Variants in GNAQ observed in about 807,000 individuals in gnomAD.
GNAQ encodes guanine nucleotide-binding protein G(q) subunit alpha.
In GNAQ, 8 loss-of-function variants were observed where a neutral mutation model predicts 43.9. The observed-to-expected ratio is 0.18, with a 90% CI of 0.11 to 0.33. The LOEUF is 0.33. Ranked by LOEUF, GNAQ falls within the 10% of genes least tolerant of loss-of-function variation. The pLI, the probability that GNAQ is intolerant of heterozygous loss-of-function variation, is 1.00. For missense variants in GNAQ, 158 were observed against 450.8 expected (o/e 0.35, Z 5.88); for synonymous variants, 155 against 170.7 (o/e 0.91, Z 0.71).
chr9:77,858,609 G>A (rs147238870), intron 2 of GNAQ, among the ~76,000 whole-genome samples: 141 of 151,872 alleles, frequency 9.3e-4, no homozygotes, highest in Middle Eastern at 6.8e-3. Flanking sequence ...AGTGTCTGAC[G>A]CCATCAGTCA....
At chr9:77,837,216 T>C (rs1426666043) in intron 2 of GNAQ, among the ~76,000 whole-genome samples, 6 of 152,292 alleles carry the variant, frequency 3.9e-5, no homozygotes, top group African/African-American at 7.2e-5. Context: ...AGCCTAATAT[T>C]GATGACAGCT....
intron 1 of GNAQ, among the ~76,000 whole-genome samples, chr9:77,956,133 TCTA>T (rs541792904): frequency 1.2e-3 from 176 of 152,346 alleles, no homozygotes; most frequent in African/African-American, 4.0e-3. Flanking sequence ...CAGGACTTAT[TCTA>T]AAGTGTTTTA....
At chr9:77,758,323 AAAC>A (rs1234294413) in intron 5 of GNAQ, among the ~76,000 whole-genome samples, 1 of 152,258 alleles carries the variant, frequency 6.6e-6, no homozygotes, top group African/African-American at 2.4e-5. Flanking sequence ...ATAAGGGTTG[AAAC>A]AACAACTAAA....
chr9:77,975,397 G>C (rs562164474), intron 1 of GNAQ, among the ~76,000 whole-genome samples: 1 of 152,256 alleles, frequency 6.6e-6, no homozygotes, highest in South Asian at 2.1e-4. Context: ...GGTCCTTTGA[G>C]AGTGGTTGCT....
chr9:77,854,834 G>A (rs1827726629), intron 2 of GNAQ, among the ~76,000 whole-genome samples: 1 of 152,170 alleles, frequency 6.6e-6, no homozygotes, highest in Admixed American at 6.5e-5. Flanking sequence ...TTTCTATGAA[G>A]AGAGGATAAT....
chr9:77,921,192 TG>T (rs1828991324), intron 2 of GNAQ, among the ~76,000 whole-genome samples: 1 of 152,192 alleles, frequency 6.6e-6, no homozygotes, highest in Non-Finnish European at 1.5e-5. Flanking sequence ...ACTGCATCCA[TG>T]GGGGATGTAT....
chr9:77,937,257 T>C (rs1829244743), intron 1 of GNAQ, among the ~76,000 whole-genome samples: 1 of 151,640 alleles, frequency 6.6e-6, no homozygotes, highest in Admixed American at 6.6e-5. Context: ...CTGGCCAACA[T>C]AGTGAAATCC....
rs184290907 is a variant in GNAQ at position 77,939,993 on chromosome 9, A to C, written c.137-17648T>G. Among the ~76,000 whole-genome samples the C allele has an allele frequency of 3.6e-4, 55 of 152,328 alleles. No individual in the cohort carries two copies. In the East Asian group the frequency reaches 0.01, roughly 28 times the overall value. ...ATCATATAATTTATCATCCTAAAAC[A>C]ATAATTTCTAAGAGTAAAAGGGGTA... is the stretch of plus-strand genomic sequence containing the variant. On this transcript the variant is annotated intron_variant, in intron 1 of 6. Transcript: ENST00000286548.
intron 1 of GNAQ, among the ~76,000 whole-genome samples, chr9:78,027,608 G>A (rs1442587982): frequency 5.9e-5 from 9 of 151,960 alleles, no homozygotes; most frequent in Admixed American, 3.3e-4. Context: ...AAAAATAGCC[G>A]GGCGTGGTGG....
chr9:77,863,843 C>G (rs141490185), intron 2 of GNAQ, among the ~76,000 whole-genome samples: 99 of 152,234 alleles, frequency 6.5e-4, no homozygotes, highest in Admixed American at 1.9e-3. Flanking sequence ...ATCATCAGAT[C>G]TCATGAGACT....
chr9:77,816,933 C>T (rs150123573), intron 2 of GNAQ, among the ~76,000 whole-genome samples: 1 of 152,252 alleles, frequency 6.6e-6, no homozygotes, highest in East Asian at 1.9e-4. Flanking sequence ...TTAGGAAGCT[C>T]AACACACTAA....
chr9:78,012,637 T>C (rs1023180817), intron 1 of GNAQ, among the ~76,000 whole-genome samples: 1 of 152,130 alleles, frequency 6.6e-6, no homozygotes, highest in Non-Finnish European at 1.5e-5. Context: ...TATAATTAAA[T>C]TGAGAGAAGA....
chr9:78,010,408 G>A (rs940760507), intron 1 of GNAQ, among the ~76,000 whole-genome samples: 4 of 152,144 alleles, frequency 2.6e-5, no homozygotes, highest in African/African-American at 9.7e-5. Flanking sequence ...GACTGAAGAT[G>A]GAATTAATTG....
chr9:77,944,514 G>A (rs1829360152), intron 1 of GNAQ, among the ~76,000 whole-genome samples: 1 of 152,056 alleles, frequency 6.6e-6, no homozygotes, highest in African/African-American at 2.4e-5. Flanking sequence ...TTACCATTCA[G>A]CAACCTCTGA....
chr9:77,717,488 T>C lies in GNAQ; in HGVS notation c.*3835A>G, dbSNP rs1473744245. 8.6e-6 allele frequency: 2 copies of C among 232,426 alleles called. No individual in the cohort carries two copies. Among genetic ancestry groups the C allele is most frequent in the African/African-American group, 4.4e-5 (2 of 45,334 alleles). The allele number at this position is 232,426 out of a possible 1,614,324, so 14.4% of individuals were successfully genotyped here. A position where few individuals can be genotyped will look rare whatever the true frequency, so the allele number is the denominator to read the frequency against. Reference sequence around the variant, plus strand: ...AATATGTGAGTCTTGCAGTATTTCATTATACAGCCCTTTCTTCCCATTATT... The same window carrying C: ...AATATGTGAGTCTTGCAGTATTTCACTATACAGCCCTTTCTTCCCATTATT... On this transcript the variant is annotated 3_prime_UTR_variant, in exon 7 of 7. Coordinates refer to ENST00000286548, the MANE Select transcript of GNAQ (RefSeq NM_002072.5).
At chr9:77,923,052 T>C (rs985707740) in intron 1 of GNAQ, among the ~76,000 whole-genome samples, 5 of 151,978 alleles carry the variant, frequency 3.3e-5, no homozygotes, top group African/African-American at 1.2e-4. Context: ...AGACAGGTTC[T>C]CACTAGATTG....
intron 5 of GNAQ, among the ~76,000 whole-genome samples, chr9:77,764,680 C>T (rs1397866160): frequency 6.6e-6 from 1 of 152,130 alleles, no homozygotes; most frequent in Non-Finnish European, 1.5e-5. Context: ...TGGTCTTGAT[C>T]TCCTGACCTC....
rs557904629 is a variant in GNAQ at position 77,911,724 on chromosome 9, C to T, written c.321+10437G>A. 3.1e-4 allele frequency among the ~76,000 whole-genome samples: 47 copies of T among 152,172 alleles called. 1 individual carries two copies. The highest frequency in any genetic ancestry group is 5.1e-4 in the Non-Finnish European group (35 of 68,010). The stretch of plus-strand genomic sequence containing the variant: ...TGTAGAGCCATGTTGGCCCAAAAAG[C>T]GATTTGTGGAAGGGGAATTTGGTAG... On this transcript the variant is annotated intron_variant, in intron 2 of 6. Coordinates refer to ENST00000286548, the MANE Select transcript of GNAQ (RefSeq NM_002072.5).
intron 6 of GNAQ, among the ~76,000 whole-genome samples, chr9:77,728,253 A>G (rs1825430801): frequency 6.6e-6 from 1 of 152,206 alleles, no homozygotes; most frequent in African/African-American, 2.4e-5. Flanking sequence ...TCGGCCTCCC[A>G]AAGTGCTGGG....
Sources: allele counts gnomAD v4.1 joint callset (sites outside exome capture counted in the v4.1 genomes callset), GRCh38; gene constraint gnomAD v4.1.1; transcripts MANE v1.5; gene names NCBI Gene and HGNC (gene_info 2026-07-23, HGNC 2026-07-21).